Variants in HYDIN observed in about 807,000 individuals in gnomAD.
The protein encoded by HYDIN is axonemal central pair apparatus protein HYDIN.
In HYDIN, 132 loss-of-function variants were observed where a neutral mutation model predicts 403.9. The observed-to-expected ratio is 0.33, with a 90% CI of 0.28 to 0.38. HYDIN has a LOEUF of 0.38. Ranked by LOEUF, HYDIN falls within the 10% of genes least tolerant of loss-of-function variation. The pLI is 1.00. For synonymous variants in HYDIN, 1,202 were observed against 1,891.7 expected, an observed-to-expected ratio of 0.64 and a Z score of 9.46; for missense variants, 2,827 against 5,009.5, an observed-to-expected ratio of 0.56 and a Z score of 13.15.
At chr16:70,864,933 G>A (rs374797998) in intron 67 of HYDIN, among the ~76,000 whole-genome samples, 2 of 152,012 alleles carry the variant, frequency 1.3e-5, no homozygotes, top group Non-Finnish European at 2.9e-5. Flanking sequence ...ACAAAAACAG[G>A]CTACAGGCCA....
intron 75 of HYDIN, among the ~76,000 whole-genome samples, 186 bp downstream of exon 75, chr16:70,849,540 T>G (rs1477233925): frequency 1.3e-5 from 2 of 152,200 alleles, no homozygotes; most frequent in Admixed American, 1.3e-4. Context: ...AATCCACACT[T>G]ACTCCCCAGG....
intron 72 of HYDIN, among the ~76,000 whole-genome samples, chr16:70,857,057 G>A (rs1181923143): frequency 4.3e-5 from 6 of 140,786 alleles, no homozygotes; most frequent in African/African-American, 1.6e-4. Flanking sequence ...CAATTACTTC[G>A]TTTCACCTTC....
Position 71,184,914 on chromosome 16 carries a change from C to T in HYDIN, c.212G>A (p.Arg71Gln), listed in dbSNP as rs529769407. ...QRLAKTRLMC[R>Q]PQIIELLDMG... Reference sequence around the variant, plus strand: ...ATCTAAGAGTTCGATGATCTGTGGTCGGCACATCAAACGTGTTTTTGCCAG... The same window carrying T: ...ATCTAAGAGTTCGATGATCTGTGGTTGGCACATCAAACGTGTTTTTGCCAG... Residue 71 changes from arginine (R) to glutamine (Q), a missense_variant, in exon 3 of 86, where the codon CGA (arginine) becomes CAA (glutamine). Transcript: ENST00000393567. The T allele has an allele frequency of 1.8e-4, 293 of 1,609,786 alleles. 5 individuals carry two copies. In the South Asian group the frequency reaches 2.9e-3, roughly 16 times the overall value.
At chr16:70,881,629 A>G (rs1240493610) in intron 60 of HYDIN, among the ~76,000 whole-genome samples, 1 of 151,342 alleles carries the variant, frequency 6.6e-6, no homozygotes, top group African/African-American at 2.4e-5. Flanking sequence ...AAAAACTCAG[A>G]GAATAATGAC....
intron 7 of HYDIN, among the ~76,000 whole-genome samples, chr16:71,145,589 T>C (rs2085338387): frequency 6.6e-6 from 1 of 152,134 alleles, no homozygotes; most frequent in Non-Finnish European, 1.5e-5. Flanking sequence ...GTTCAACCTA[T>C]CTTTCCTTTA....
intron 65 of HYDIN, among the ~76,000 whole-genome samples, chr16:70,870,413 T>C (rs2040022199): frequency 6.6e-6 from 1 of 152,018 alleles, no homozygotes; most frequent in Non-Finnish European, 1.5e-5. Context: ...AATGGTTTTG[T>C]GGGTGGCCCA....
rs534321726 is a variant in HYDIN at position 71,219,391 on chromosome 16, C to G, written c.-24+11171G>C. On this transcript the variant is annotated intron_variant, in intron 1 of 85. Transcript: ENST00000393567. ...TTCTAGTCATTTCACACTAATTTTT[C>G]TTTAAAGTCAACCAAGTTGACTTTT... is the stretch of plus-strand genomic sequence containing the variant. Among the ~76,000 whole-genome samples the G allele has an allele frequency of 2.0e-5, 3 of 152,030 alleles. No individual in the cohort carries two copies. The East Asian group carries it at 5.8e-4, about 29-fold the overall frequency.
At chr16:71,217,504 A>G (rs1002350566) in intron 1 of HYDIN, among the ~76,000 whole-genome samples, 12 of 152,174 alleles carry the variant, frequency 7.9e-5, no homozygotes, top group Admixed American at 3.9e-4. Flanking sequence ...AAAATCCACG[A>G]GTGGTGACCT....
chr16:71,064,771 C>G lies in HYDIN; in HGVS notation c.2145G>C (p.Pro715=). The G allele has an allele frequency of 6.2e-7, 1 of 1,613,938 alleles. No individual in the cohort carries two copies. ...TGGCAAGCTGGAGTGTTTTCTCATACGGGTACTTCAGGAAGCAGTGCCCAA... is the reference window on the plus strand; with the variant it reads ...TGGCAAGCTGGAGTGTTTTCTCATAGGGGTACTTCAGGAAGCAGTGCCCAA... ...VDFGHCFLKY[P]YEKTLQLANQ... The change falls in exon 16 of 86, where the codon CCG becomes CCC. Residue 715 remains proline, a synonymous_variant. Transcript: ENST00000393567.
intron 72 of HYDIN, among the ~76,000 whole-genome samples, chr16:70,857,176 C>T (rs1251403944): frequency 8.7e-6 from 1 of 114,340 alleles, no homozygotes; most frequent in Non-Finnish European, 1.8e-5. Flanking sequence ...TTTTGGTAGC[C>T]TGTTTCTTAT....
chr16:70,812,068 C>T (rs2035542459), intron 84 of HYDIN, among the ~76,000 whole-genome samples: 1 of 90,130 alleles, frequency 1.1e-5, no homozygotes, highest in Non-Finnish European at 2.2e-5. Context: ...AGAGGGAACC[C>T]GTTCCAACCA....
At chr16:70,932,172 T>C (rs1381138805) in intron 45 of HYDIN, among the ~76,000 whole-genome samples, 1 of 146,368 alleles carries the variant, frequency 6.8e-6, no homozygotes, top group East Asian at 2.0e-4. Context: ...CTAGCCAACA[T>C]GGTGAAAGCC....
At chr16:71,007,246 C>G (rs2079917463) in intron 23 of HYDIN, among the ~76,000 whole-genome samples, 1 of 152,140 alleles carries the variant, frequency 6.6e-6, no homozygotes, top group Admixed American at 6.6e-5. Flanking sequence ...ACAGTCACTG[C>G]TTATCCACCC....
At chr16:71,137,809 G>A (rs1471753856) in intron 7 of HYDIN, among the ~76,000 whole-genome samples, 2 of 151,942 alleles carry the variant, frequency 1.3e-5, no homozygotes, top group African/African-American at 4.8e-5. Context: ...TGAGAACAGT[G>A]ATCAGGAGGG....
At chr16:71,211,436 C>G (rs747758721) in intron 1 of HYDIN, among the ~76,000 whole-genome samples, 6 of 151,064 alleles carry the variant, frequency 4.0e-5, no homozygotes, top group African/African-American at 1.5e-4. Context: ...GTCAGGAGAT[C>G]GAGACCATCC....
chr16:70,894,289 TTGAC>T (rs2041659624), intron 55 of HYDIN, 156 bp downstream of exon 55: 1 of 609,266 alleles, frequency 1.6e-6, no homozygotes, highest in East Asian at 2.8e-5. Flanking sequence ...TATGATTTCC[TTGAC>T]TGACTGATAA....
chr16:71,038,154 C>T (rs1233485654), intron 18 of HYDIN, among the ~76,000 whole-genome samples: 2 of 152,348 alleles, frequency 1.3e-5, no homozygotes, highest in African/African-American at 2.4e-5. Context: ...TATGACTGTG[C>T]GAAAGATGGA....
intron 57 of HYDIN, among the ~76,000 whole-genome samples, chr16:70,890,087 T>C (rs2041381364): frequency 6.6e-6 from 1 of 152,274 alleles, no homozygotes; most frequent in African/African-American, 2.4e-5. Flanking sequence ...AGCTCTTTTC[T>C]GTATCTTCAC....
At chr16:71,148,537 T>C (rs1289181086) in intron 7 of HYDIN, among the ~76,000 whole-genome samples, 1 of 152,126 alleles carries the variant, frequency 6.6e-6, no homozygotes, top group Non-Finnish European at 1.5e-5. Context: ...AAAAGCTCAA[T>C]ATACAAAACT....
Sources: gnomAD v4.1 joint callset for allele counts (sites outside exome capture counted in the v4.1 genomes callset) on GRCh38, gnomAD v4.1.1 for gene constraint, MANE v1.5 for transcripts, NCBI Gene and HGNC (gene_info 2026-07-23, HGNC 2026-07-21) for gene names.